KCNQ4: variants seen among roughly 807,000 people sequenced by gnomAD.
KCNQ4 encodes potassium voltage-gated channel subfamily KQT member 4.
A neutral mutation model predicts 72.6 loss-of-function variants in KCNQ4; 31 were observed. The observed-to-expected ratio is 0.43, with a 90% CI of 0.32 to 0.58. The LOEUF (loss-of-function observed/expected upper bound fraction) is 0.58. Ranked by LOEUF, KCNQ4 falls within the 20% of genes least tolerant of loss-of-function variation. The pLI is 0.08. For synonymous variants in KCNQ4, 405 were observed against 403.7 expected (o/e 1.00, Z -0.04); for missense variants, 869 against 962.6 (o/e 0.90, Z 1.29).
chr1:40,819,593 A>G (rs908676500), intron 5 of KCNQ4, 121 bp downstream of exon 5: 8 of 1,368,700 alleles, frequency 5.8e-6, no homozygotes, highest in Non-Finnish European at 6.1e-6. Flanking sequence ...CCCTCTCACT[A>G]GAGCTGGGAC....
rs146810293 is a variant in KCNQ4 at position 40,793,606 on chromosome 1, TC to T, written c.314+9201del. Among the ~76,000 whole-genome samples the T allele has an allele frequency of 7.1e-3, 1,083 of 152,192 alleles. 16 individuals carry two copies. Among genetic ancestry groups the T allele is most frequent in the African/African-American group, 0.025 (1,040 of 41,512 alleles). On this transcript the variant is annotated intron_variant, in intron 1 of 13. Transcript: ENST00000347132. ...CTCCAAACCTGCCCTCCTTCCTCAATCCATGTGACAGTGACTCCCCGATCCC... is the reference window on the plus strand; with the variant it reads ...CTCCAAACCTGCCCTCCTTCCTCAATCATGTGACAGTGACTCCCCGATCCC...
At chr1:40,805,231 A>G (rs1647721701) in intron 1 of KCNQ4, 2 of 152,286 alleles carry the variant, frequency 1.3e-5, no homozygotes, top group Admixed American at 6.5e-5. Context: ...CAATGGGGCA[A>G]ACGTCATTGC....
At chr1:40,813,273 A>G (rs557542306) in intron 1 of KCNQ4, among the ~76,000 whole-genome samples, 3 of 152,282 alleles carry the variant, frequency 2.0e-5, no homozygotes, top group South Asian at 4.1e-4. Flanking sequence ...CCAGCTGTGC[A>G]TTGTGGGAAG....
intron 1 of KCNQ4, among the ~76,000 whole-genome samples, chr1:40,790,078 C>A (rs1010152038): frequency 6.6e-6 from 1 of 152,218 alleles, no homozygotes; most frequent in Non-Finnish European, 1.5e-5. Context: ...AGGGACTTTT[C>A]GTTTCTCCAG....
chr1:40,803,231 C>A (rs560470913), intron 1 of KCNQ4, among the ~76,000 whole-genome samples: 1 of 152,290 alleles, frequency 6.6e-6, no homozygotes, highest in South Asian at 2.1e-4. Flanking sequence ...GCCTTGCTTC[C>A]CATTAGGGAA....
intron 1 of KCNQ4, among the ~76,000 whole-genome samples, chr1:40,791,989 A>T (rs1210322679): frequency 6.9e-6 from 1 of 145,724 alleles, no homozygotes; most frequent in African/African-American, 2.5e-5. Flanking sequence ...AGAGCGAAAG[A>T]TGGAGGGGAG....
rs1469148089 is a variant in KCNQ4, at chr1:40,831,132, G to A, written c.1341G>A (p.Arg447=). Residue 447 remains arginine (R), a synonymous_variant, in exon 10 of 14, where the codon CGG becomes CGA. Transcript: ENST00000347132. ...KDRIRMGSSQ[R]RTGPSKQHLA... ...GCATCCGCATGGGCAGCTCCCAGCG[G>A]CGGACGGGTCCTTCCAAGCAGCATC... is the stretch of plus-strand genomic sequence containing the variant. 2.1e-5 allele frequency: 34 copies of A among 1,610,184 alleles called. No homozygotes were observed. Among genetic ancestry groups the A allele is most frequent in the Admixed American group, 3.4e-5 (2 of 59,656 alleles).
At chr1:40,797,637 T>A (rs1264261841) in intron 1 of KCNQ4, among the ~76,000 whole-genome samples, 2 of 151,970 alleles carry the variant, frequency 1.3e-5, no homozygotes, top group East Asian at 3.9e-4. Context: ...GCTGGAGGGG[T>A]AAGGACTCTG....
intron 10 of KCNQ4, among the ~76,000 whole-genome samples, chr1:40,832,523 C>T (rs1451944395): frequency 6.6e-6 from 1 of 152,258 alleles, no homozygotes; most frequent in Non-Finnish European, 1.5e-5. Flanking sequence ...AAGCTTCTCT[C>T]ATTCAGGGAA....
At chr1:40,807,826 G>C (rs1210137841) in intron 1 of KCNQ4, among the ~76,000 whole-genome samples, 1 of 152,222 alleles carries the variant, frequency 6.6e-6, no homozygotes, top group Non-Finnish European at 1.5e-5. Context: ...AGGGGAGACA[G>C]AGCCCTGCCT....
At position 40,838,515 on chromosome 1, in the gene KCNQ4, A is replaced by G; in HGVS notation, c.2080A>G (p.Met694Val). Residue 694 changes from methionine to valine, a missense_variant, in exon 14 of 14, where the codon ATG (methionine) becomes GTG (valine). Met to Val is a conservative substitution (Grantham distance 21). This residue lies in a region of KCNQ4 where 480 missense variants were observed against 501.9 expected (regional missense o/e 0.96). Coordinates refer to ENST00000347132, the MANE Select transcript of KCNQ4 (RefSeq NM_004700.4). The stretch of plus-strand genomic sequence containing the variant: ...CATCTCCCGCTCGGTCAGCACCAAC[A>G]TGGACTGAGGGACTTCTCAGAGGCA... ...LSISRSVSTNMD is the reference protein window; with the variant it reads ...LSISRSVSTNVD 4 of 1,613,876 alleles carry G rather than the reference A, an allele frequency of 2.5e-6. No homozygotes were observed. Among genetic ancestry groups the G allele is most frequent in the East Asian group, 2.2e-5 (1 of 44,880 alleles).
rs1379368031 is a variant in KCNQ4 at position 40,838,750 on chromosome 1, A to G, written c.*227A>G. On this transcript the variant is annotated 3_prime_UTR_variant, in exon 14 of 14. Transcript: ENST00000347132. Reference sequence around the variant, plus strand: ...GCCAGGTCGCACAGAGGGCAGCAGCAGCGGCCGTCCCGCGGCCTCTGGGCC... The same window carrying G: ...GCCAGGTCGCACAGAGGGCAGCAGCGGCGGCCGTCCCGCGGCCTCTGGGCC... 6.6e-6 allele frequency: 4 copies of G among 604,676 alleles called. No individual in the cohort carries two copies. The East Asian group carries it at 1.1e-4, about 17-fold the overall frequency. The allele number at this position is 604,676 out of a possible 1,614,324, so 37.5% of individuals were successfully genotyped here.
intron 1 of KCNQ4, among the ~76,000 whole-genome samples, chr1:40,805,843 A>G (rs1325659801): frequency 6.6e-6 from 1 of 151,682 alleles, no homozygotes; most frequent in Non-Finnish European, 1.5e-5. Context: ...GTTCACATGA[A>G]ATTTTTTTTT....
At chr1:40,820,544 G>A (rs563180780) in intron 7 of KCNQ4, among the ~76,000 whole-genome samples, 2 of 152,356 alleles carry the variant, frequency 1.3e-5, no homozygotes, top group Non-Finnish European at 2.9e-5. Context: ...GGGGAGGGGC[G>A]GAGCCCAGAC....
Position 40,784,465 on chromosome 1 carries a change from G to A in KCNQ4, c.314+58G>A. 6.5e-7 allele frequency: 1 copy of A among 1,545,834 alleles called. No individual in the cohort carries two copies. Among genetic ancestry groups the A allele is most frequent in the Non-Finnish European group, 8.8e-7 (1 of 1,131,726 alleles). On this transcript the variant is annotated intron_variant, in intron 1 of 13. Coordinates refer to ENST00000347132, the MANE Select transcript of KCNQ4 (RefSeq NM_004700.4). This position sits in a 1 kb window ranked among gnomAD's most constrained non-coding sequence, Gnocchi z 4.1. ...CCCCGCGCAAGCCTGGCCTCCCGGG[G>A]CACGGCCGCCCCGCCCTGGCTCCGC...
In KCNQ4 at chr1:40,819,812, C is replaced by T. The variant is rs922553729; in HGVS notation, c.835-63C>T. The T allele has an allele frequency of 5.3e-6, 7 of 1,310,476 alleles. No homozygotes were observed. In the South Asian group the frequency reaches 7.1e-5, roughly 13 times the overall value. 81.2% of individuals were successfully genotyped at this position (1,310,476 alleles called of 1,614,324 possible). ...ATGATCAGGCTCCTACCTGCCTGTACCCCCAACAAGCCGTAGGTGGCCCCC... is the reference window on the plus strand; with the variant it reads ...ATGATCAGGCTCCTACCTGCCTGTATCCCCAACAAGCCGTAGGTGGCCCCC... On this transcript the variant is annotated intron_variant, in intron 5 of 13. Transcript: ENST00000347132.
chr1:40,793,004 C>CTTT (rs10549805), intron 1 of KCNQ4, among the ~76,000 whole-genome samples: 1,426 of 109,046 alleles, frequency 0.013, 45 homozygotes, highest in African/African-American at 0.026. Flanking sequence ...TTCTTTCTTT[C>CTTT]TTTTTTTTTT....
chr1:40,818,344 C>T (rs964465270), intron 3 of KCNQ4, 54 bp downstream of exon 3: 5 of 1,609,818 alleles, frequency 3.1e-6, no homozygotes, highest in Admixed American at 1.7e-5. Flanking sequence ...GCCAGGGTGA[C>T]GCCTTTACTC....
Position 40,817,144 on chromosome 1 carries a change from T to A in KCNQ4, c.315-121T>A. 1.2e-6 allele frequency: 1 copy of A among 800,474 alleles called. No homozygotes were observed. The allele number at this position is 800,474 out of a possible 1,614,324, so 49.6% of individuals were successfully genotyped here. A position where few individuals can be genotyped will look rare whatever the true frequency, so the allele number is the denominator to read the frequency against. ...AACTCCAGGGAATTCCAATTCTGATTTCCACATAATTTTCTGAAAATAATG... is the reference window on the plus strand; with the variant it reads ...AACTCCAGGGAATTCCAATTCTGATATCCACATAATTTTCTGAAAATAATG... On this transcript the variant is annotated intron_variant, in intron 1 of 13. Coordinates refer to ENST00000347132, the MANE Select transcript of KCNQ4 (RefSeq NM_004700.4). This position sits in a 1 kb window ranked among gnomAD's most constrained non-coding sequence, Gnocchi z 5.5.
Sources: allele counts gnomAD v4.1 joint callset (sites outside exome capture counted in the v4.1 genomes callset), GRCh38; gene constraint gnomAD v4.1.1; regional missense constraint gnomAD v4.1.1; non-coding constraint Gnocchi (gnomAD v3.1); transcripts MANE v1.5; gene names NCBI Gene and HGNC (gene_info 2026-07-23, HGNC 2026-07-21).